The following TSPAN3 variants were observed in gnomAD, a reference collection of about 807,000 sequenced individuals.
TSPAN3 encodes tetraspanin 3, also known as tetraspanin-3.
In TSPAN3, 9 loss-of-function variants were observed where a neutral mutation model predicts 31.1. The ratio of observed to expected loss-of-function variants is 0.29; its 90% CI spans 0.17 to 0.50. The LOEUF (loss-of-function observed/expected upper bound fraction) is 0.50, where lower values mean the gene tolerates loss of function less well. Among genes scored for constraint, TSPAN3 ranks in the 20% least tolerant of loss-of-function variants. The probability of loss-of-function intolerance (pLI) is 0.98; values close to 1 mark genes in which losing one functional copy is unlikely to be tolerated. For synonymous variants in TSPAN3, 129 were observed against 114.3 expected, an observed-to-expected ratio of 1.13 and a Z score of -0.82; for missense variants, 252 against 313.5, an observed-to-expected ratio of 0.80 and a Z score of 1.48.
intron 1 of TSPAN3, among the ~76,000 whole-genome samples, chr15:77,069,386 G>A (rs1255890990): frequency 1.3e-5 from 2 of 152,120 alleles, no homozygotes; most frequent in Non-Finnish European, 2.9e-5. Context: ...TACGACTTTT[G>A]CTAATGGAAC....
rs1247624007 is a variant in TSPAN3 at position 77,045,300 on chromosome 15, T to G, written c.*1535A>C. 2 of 152,802 alleles carry G rather than the reference T, an allele frequency of 1.3e-5. No individual in the cohort carries two copies. Among genetic ancestry groups the G allele is most frequent in the Admixed American group, 1.3e-4 (2 of 15,272 alleles). 9.5% of individuals were successfully genotyped at this position (152,802 alleles called of 1,614,324 possible). ...CCTCCAAACAGCCAGAATCCACCGC[T>G]CACCACCGCCCCCAACAGTGCCCTG... On this transcript the variant is annotated 3_prime_UTR_variant, in exon 7 of 7. Coordinates refer to ENST00000267970, the MANE Select transcript of TSPAN3 (RefSeq NM_005724.6).
intron 2 of TSPAN3, 74 bp downstream of exon 2, chr15:77,055,990 G>C: frequency 6.6e-7 from 1 of 1,521,956 alleles, no homozygotes; most frequent in South Asian, 1.3e-5. Context: ...CCAACTATAA[G>C]AGCCAAGGAG....
chr15:77,054,118 T>C (rs1277727654), intron 4 of TSPAN3, 60 bp downstream of exon 4: 1 of 1,196,392 alleles, frequency 8.4e-7, no homozygotes, highest in Admixed American at 1.7e-5. Context: ...TAGCAGTTAG[T>C]TTAATGTTGA....
intron 1 of TSPAN3, among the ~76,000 whole-genome samples, chr15:77,060,332 A>T (rs140543510): frequency 1.3e-5 from 2 of 152,244 alleles, no homozygotes; most frequent in African/African-American, 4.8e-5. Flanking sequence ...TATGGTGCTT[A>T]TATCTTAAGC....
intron 1 of TSPAN3, among the ~76,000 whole-genome samples, chr15:77,059,355 T>A (rs576534707): frequency 6.6e-6 from 1 of 152,360 alleles, no homozygotes; most frequent in South Asian, 2.1e-4. Flanking sequence ...GTGCTGGGAT[T>A]ACAGGCGTGA....
intron 4 of TSPAN3, among the ~76,000 whole-genome samples, chr15:77,053,738 T>C (rs1254657322): frequency 6.6e-6 from 1 of 152,154 alleles, no homozygotes. Context: ...TCTATTACAC[T>C]ATTCTTTCTA....
intron 6 of TSPAN3, 80 bp from the exon 7 acceptor site, chr15:77,047,007 A>T: frequency 8.4e-7 from 1 of 1,185,150 alleles, no homozygotes. Context: ...TTGGTAAAAG[A>T]GCTGTTTCAA....
chr15:77,054,857 T>C (rs1213311921), intron 3 of TSPAN3: 1 of 152,292 alleles, frequency 6.6e-6, no homozygotes, highest in African/African-American at 2.4e-5. Flanking sequence ...ACAAGCTTCA[T>C]AGCTTATTGC....
Position 77,053,739 on chromosome 15 carries a change from A to C in TSPAN3, c.432+439T>G, listed in dbSNP as rs528395030. 1.8e-4 allele frequency among the ~76,000 whole-genome samples: 27 copies of C among 152,252 alleles called. 1 individual carries two copies. In the South Asian group the frequency reaches 5.4e-3, roughly 30 times the overall value. On this transcript the variant is annotated intron_variant, in intron 4 of 6. Transcript: ENST00000267970. ...TCGGGGTGCAAACATCTATTACACT[A>C]TTCTTTCTACCTTTGTGTGTATCAG...
chr15:77,046,332 G>C lies in TSPAN3; in HGVS notation c.*503C>G, dbSNP rs1043257120. 1 of 400,604 alleles carries C rather than the reference G, an allele frequency of 2.5e-6. No homozygotes were observed. Among genetic ancestry groups the C allele is most frequent in the Non-Finnish European group, 4.4e-6 (1 of 227,108 alleles). 24.8% of individuals were successfully genotyped at this position (400,604 alleles called of 1,614,324 possible). A position where few individuals can be genotyped will look rare whatever the true frequency, so the allele number is the denominator to read the frequency against. On this transcript the variant is annotated 3_prime_UTR_variant, in exon 7 of 7. Coordinates refer to ENST00000267970, the MANE Select transcript of TSPAN3 (RefSeq NM_005724.6). The stretch of plus-strand genomic sequence containing the variant: ...TCCTACAATCTATTTTAGTCATTTT[G>C]TACAGCTGCTATCTTATTGGACTAC...
At chr15:77,070,455 G>A (rs1278122364) in intron 1 of TSPAN3, among the ~76,000 whole-genome samples, 1 of 152,018 alleles carries the variant, frequency 6.6e-6, no homozygotes, top group Non-Finnish European at 1.5e-5. Context: ...TGCCCGCCTC[G>A]GGACGGCCAC....
chr15:77,046,156 C>T lies in TSPAN3; in HGVS notation c.*679G>A. 2.8e-6 allele frequency: 1 copy of T among 361,484 alleles called. No individual in the cohort carries two copies. The highest frequency in any genetic ancestry group is 1.5e-4 in the South Asian group (1 of 6,686). The allele number at this position is 361,484 out of a possible 1,614,324, so 22.4% of individuals were successfully genotyped here. On this transcript the variant is annotated 3_prime_UTR_variant, in exon 7 of 7. Coordinates refer to ENST00000267970, the MANE Select transcript of TSPAN3 (RefSeq NM_005724.6). ...AAGCTTAAGACTTACCATGAATGGGCTCATTCATACAAAAACACACTCACA... is the reference window on the plus strand; with the variant it reads ...AAGCTTAAGACTTACCATGAATGGGTTCATTCATACAAAAACACACTCACA...
chr15:77,059,507 C>A (rs2076788263), intron 1 of TSPAN3, among the ~76,000 whole-genome samples: 1 of 152,192 alleles, frequency 6.6e-6, no homozygotes, highest in Non-Finnish European at 1.5e-5. Flanking sequence ...TGTACACACA[C>A]ACATTTTGCT....
At chr15:77,062,542 G>A (rs2076806822) in intron 1 of TSPAN3, among the ~76,000 whole-genome samples, 1 of 152,174 alleles carries the variant, frequency 6.6e-6, no homozygotes. Context: ...CAGCAATAAA[G>A]TTAAGGAGTA....
intron 6 of TSPAN3, among the ~76,000 whole-genome samples, chr15:77,049,090 A>G (rs761141356): frequency 1.3e-5 from 2 of 152,246 alleles, no homozygotes; most frequent in African/African-American, 4.8e-5. Context: ...GAAATTAAAA[A>G]GGCAGATCTA....
chr15:77,064,242 G>C (rs2076817737), intron 1 of TSPAN3: 1 of 152,122 alleles, frequency 6.6e-6, no homozygotes, highest in Admixed American at 6.5e-5. Flanking sequence ...TGGGGGAAAG[G>C]TGCATGTAGA....
In TSPAN3 at chr15:77,044,171, T is replaced by G. The variant is rs2076675798; in HGVS notation, c.*2664A>C. On this transcript the variant is annotated 3_prime_UTR_variant, in exon 7 of 7. Transcript: ENST00000267970. ...TGGACACACCCTAGAGCACCTTAGA[T>G]GCTCTGGGACCCAGGCATCTGTAGT... is the stretch of plus-strand genomic sequence containing the variant. The G allele has an allele frequency of 2.0e-5, 3 of 152,350 alleles. No homozygotes were observed. Among genetic ancestry groups the G allele is most frequent in the South Asian group, 4.1e-4 (2 of 4,828 alleles). 9.4% of individuals were successfully genotyped at this position (152,350 alleles called of 1,614,324 possible).
Position 77,043,848 on chromosome 15 carries a change from A to G in TSPAN3, c.*2987T>C, listed in dbSNP as rs1379701847. Reference sequence around the variant, plus strand: ...AGTATCTTCTTCTTGGTAAGTACCCACTGAGGTATTAGGGGTAAAAGGCCA... The same window carrying G: ...AGTATCTTCTTCTTGGTAAGTACCCGCTGAGGTATTAGGGGTAAAAGGCCA... On this transcript the variant is annotated 3_prime_UTR_variant, in exon 7 of 7. Coordinates refer to ENST00000267970, the MANE Select transcript of TSPAN3 (RefSeq NM_005724.6). The G allele has an allele frequency of 6.6e-6, 1 of 152,154 alleles. No homozygotes were observed. Among genetic ancestry groups the G allele is most frequent in the Non-Finnish European group, 1.5e-5 (1 of 68,038 alleles). 9.4% of individuals were successfully genotyped at this position (152,154 alleles called of 1,614,324 possible). A position where few individuals can be genotyped will look rare whatever the true frequency, so the allele number is the denominator to read the frequency against.
chr15:77,047,385 T>C (rs2076700577), intron 6 of TSPAN3, among the ~76,000 whole-genome samples: 1 of 152,160 alleles, frequency 6.6e-6, no homozygotes, highest in South Asian at 2.1e-4. Flanking sequence ...AGCAAAGGCC[T>C]GGGGAGTAGA....
Sources: allele counts gnomAD v4.1 joint callset (sites outside exome capture counted in the v4.1 genomes callset), GRCh38; gene constraint gnomAD v4.1.1; transcripts MANE v1.5; gene names NCBI Gene and HGNC (gene_info 2026-07-23, HGNC 2026-07-21).